RELCH: variants seen among roughly 807,000 people sequenced by gnomAD.
The protein encoded by RELCH is RAB11-binding protein RELCH.
In RELCH, 41 loss-of-function variants were observed where a neutral mutation model predicts 150.3. The ratio of observed to expected loss-of-function variants is 0.27; its 90% CI spans 0.21 to 0.35. The LOEUF (loss-of-function observed/expected upper bound fraction) is 0.35. Among genes scored for constraint, RELCH ranks in the 10% least tolerant of loss-of-function variants. The probability of loss-of-function intolerance (pLI) is 1.00; values close to 1 mark genes in which losing one functional copy is unlikely to be tolerated. For missense variants in RELCH, 1,092 were observed against 1,467.8 expected (o/e 0.74, Z 4.18); for synonymous variants, 478 against 531.8 (o/e 0.90, Z 1.39).
At chr18:62,236,247 C>G (rs2041873833) in intron 10 of RELCH, among the ~76,000 whole-genome samples, 3 of 151,900 alleles carry the variant, frequency 2.0e-5, no homozygotes. Context: ...TGTCATATGC[C>G]TGCATTATTT....
chr18:62,218,249 A>C (rs1447513442), intron 2 of RELCH, among the ~76,000 whole-genome samples: 1 of 151,946 alleles, frequency 6.6e-6, no homozygotes, highest in African/African-American at 2.4e-5. Flanking sequence ...ACAATTTTAC[A>C]TAGCAAAATA....
At chr18:62,294,798 T>C (rs1250961795) in intron 27 of RELCH, among the ~76,000 whole-genome samples, 1 of 152,350 alleles carries the variant, frequency 6.6e-6, no homozygotes, top group East Asian at 1.9e-4. Flanking sequence ...TTATGTATGA[T>C]GTGAGCTAGC....
In RELCH at chr18:62,310,238, T is replaced by G. The variant is rs2045968441; in HGVS notation, c.*4704T>G. The G allele has an allele frequency of 6.6e-6, 1 of 152,244 alleles. No homozygotes were observed. The highest frequency in any genetic ancestry group is 1.5e-5 in the Non-Finnish European group (1 of 68,044). 9.4% of individuals were successfully genotyped at this position (152,244 alleles called of 1,614,324 possible). A position where few individuals can be genotyped will look rare whatever the true frequency, so the allele number is the denominator to read the frequency against. On this transcript the variant is annotated 3_prime_UTR_variant, in exon 29 of 29. Coordinates refer to ENST00000644646, the MANE Select transcript of RELCH (RefSeq NM_001346231.2). ...TAATGAAACTTAAAGGTGAATACTT[T>G]CATAATGTAAATTGTTTTCTAATTT...
chr18:62,232,365 A>G lies in RELCH; in HGVS notation c.1558A>G (p.Met520Val). ...TATTGCAGACAGTGAAAAAAGCGTTATGTTAATGCTGGGACGCTGCCTGCC... is the reference window on the plus strand; with the variant it reads ...TATTGCAGACAGTGAAAAAAGCGTTGTGTTAATGCTGGGACGCTGCCTGCC... ...SRIADSEKSV[M>V]LMLGRCLPHI... is the part of the protein sequence containing the mutation. Residue 520 changes from methionine to valine, a missense_variant, in exon 10 of 29, where the codon ATG becomes GTG. By Grantham distance (21) the Met-to-Val change is conservative (BLOSUM62 1). Coordinates refer to ENST00000644646, the MANE Select transcript of RELCH (RefSeq NM_001346231.2). 2 of 1,611,856 alleles carry G rather than the reference A, an allele frequency of 1.2e-6. No homozygotes were observed. The highest frequency in any genetic ancestry group is 8.5e-7 in the Non-Finnish European group (1 of 1,178,580).
chr18:62,206,452 A>G (rs1435655453), intron 1 of RELCH, among the ~76,000 whole-genome samples: 2 of 152,242 alleles, frequency 1.3e-5, no homozygotes, highest in African/African-American at 2.4e-5. Flanking sequence ...AGAGTCAACC[A>G]TCTTGATTAT....
At chr18:62,261,360 C>T (rs1175666584) in intron 15 of RELCH, 151 bp from the exon 16 acceptor site, 3 of 494,514 alleles carry the variant, frequency 6.1e-6, no homozygotes, top group Non-Finnish European at 1.1e-5. Flanking sequence ...AAAGATTCTA[C>T]CACTCTAGAG....
In RELCH at chr18:62,309,427, T is replaced by A. The variant is rs985972839; in HGVS notation, c.*3893T>A. 10 of 152,304 alleles carry A rather than the reference T, an allele frequency of 6.6e-5. No individual in the cohort carries two copies. Among genetic ancestry groups the A allele is most frequent in the African/African-American group, 2.4e-4 (10 of 41,572 alleles). The allele number at this position is 152,304 out of a possible 1,614,324, so 9.4% of individuals were successfully genotyped here. On this transcript the variant is annotated 3_prime_UTR_variant, in exon 29 of 29. Transcript: ENST00000644646. Reference sequence around the variant, plus strand: ...GTGGCACATCTCATCATTCATATTTTCTCTTCAGAACCAAGTACAGGAAAC... The same window carrying A: ...GTGGCACATCTCATCATTCATATTTACTCTTCAGAACCAAGTACAGGAAAC...
rs1481095331 is a variant in RELCH at position 62,271,556 on chromosome 18, T to C, written c.2761-2424T>C. Among the ~76,000 whole-genome samples, 5 of 152,198 alleles carry C rather than the reference T, an allele frequency of 3.3e-5. No individual in the cohort carries two copies. In the East Asian group the frequency reaches 9.6e-4, roughly 29 times the overall value. ...GTAGGTTGCCTGTTCACTCTGATGG[T>C]AGTTTCTTTTGCTGTGCAGAAGCTT... On this transcript the variant is annotated intron_variant, in intron 20 of 28. Transcript: ENST00000644646.
intron 5 of RELCH, among the ~76,000 whole-genome samples, chr18:62,225,023 A>G (rs1342517388): frequency 6.6e-6 from 1 of 152,112 alleles, no homozygotes; most frequent in East Asian, 1.9e-4. Flanking sequence ...AAATAAATTG[A>G]TGAAACAGAA....
rs2044465387 is a variant in RELCH, at chr18:62,280,654, G to A, written c.3059G>A (p.Arg1020Lys). The A allele has an allele frequency of 6.2e-7, 1 of 1,610,502 alleles. No homozygotes were observed. The highest frequency in any genetic ancestry group is 8.5e-7 in the Non-Finnish European group (1 of 1,177,016). Residue 1020 changes from arginine (R) to lysine (K), a missense_variant, in exon 24 of 29, where the codon AGG (arginine) becomes AAG (lysine). Arg to Lys is a conservative substitution (Grantham distance 26). This residue lies in a region of RELCH where 707 missense variants were observed against 1,025.4 expected (regional missense o/e 0.69). Coordinates refer to ENST00000644646, the MANE Select transcript of RELCH (RefSeq NM_001346231.2). ...TLSSDPEISVRIATIPAFGTI... is the reference protein window; with the variant it reads ...TLSSDPEISVKIATIPAFGTI... ...TGTTTTAATTCTAACAGCTCTGTCA[G>A]GATTGCCACAATTCCAGCCTTTGGC...
chr18:62,305,534 G>A lies in RELCH; in HGVS notation c.3651G>A (p.Ter1217=). 6.2e-7 allele frequency: 1 copy of A among 1,604,606 alleles called. No individual in the cohort carries two copies. Among genetic ancestry groups the A allele is most frequent in the South Asian group, 1.1e-5 (1 of 89,128 alleles). Residue 1217 remains the stop codon, a stop_retained_variant, in exon 29 of 29, where the codon TAG becomes TAA. Coordinates refer to ENST00000644646, the MANE Select transcript of RELCH (RefSeq NM_001346231.2). This position sits in a 1 kb window ranked among gnomAD's most constrained non-coding sequence, Gnocchi z 4.0. Reference sequence around the variant, plus strand: ...CCAATGTATTTCAGAGAAAGAAGTAGAAGCAGGAAAGAAGCCCCCAGTAAA... The same window carrying A: ...CCAATGTATTTCAGAGAAAGAAGTAAAAGCAGGAAAGAAGCCCCCAGTAAA... ...MLANVFQRKK[*] is the part of the protein sequence containing the mutation.
At chr18:62,271,902 G>A (rs970322291) in intron 20 of RELCH, among the ~76,000 whole-genome samples, 16 of 152,110 alleles carry the variant, frequency 1.1e-4, no homozygotes, top group African/African-American at 3.4e-4. Context: ...GGTTGTAGAT[G>A]TGTGGTGTTA....
At chr18:62,230,902 T>C (rs1351442776) in intron 8 of RELCH, among the ~76,000 whole-genome samples, 1 of 152,096 alleles carries the variant, frequency 6.6e-6, no homozygotes, top group African/African-American at 2.4e-5. Flanking sequence ...TCTATAGGCA[T>C]TGATCTACTA....
chr18:62,191,273 C>A (rs867152692), intron 1 of RELCH, among the ~76,000 whole-genome samples: 1 of 152,152 alleles, frequency 6.6e-6, no homozygotes, highest in African/African-American at 2.4e-5. Context: ...TATTTTTGGG[C>A]TTTTTAATCT....
chr18:62,200,964 C>CTTT (rs543882947), intron 1 of RELCH, among the ~76,000 whole-genome samples: 3 of 55,000 alleles, frequency 5.5e-5, no homozygotes, highest in Non-Finnish European at 9.4e-5. Flanking sequence ...TTTTTCTTTG[C>CTTT]TTTTTTTTTT....
chr18:62,252,539 G>GTC, intron 11 of RELCH, 125 bp from the exon 12 acceptor site: 2 of 688,164 alleles, frequency 2.9e-6, no homozygotes, highest in Non-Finnish European at 5.0e-6. Flanking sequence ...TAAATAAAAA[G>GTC]TCTAATTTGA....
At chr18:62,291,432 A>G (rs906994752) in intron 26 of RELCH, 111 bp from the exon 27 acceptor site, 1 of 555,832 alleles carries the variant, frequency 1.8e-6, no homozygotes, top group East Asian at 3.3e-5. Context: ...AGTGATCACT[A>G]TGCCATAGGT....
chr18:62,266,659 T>C (rs1335109458), intron 18 of RELCH, 42 bp from the exon 19 acceptor site: 4 of 1,377,424 alleles, frequency 2.9e-6, no homozygotes, highest in Middle Eastern at 1.8e-4. Flanking sequence ...AATTTGCCCA[T>C]TGAACCTGAG....
Position 62,241,100 on chromosome 18 carries a change from C to T in RELCH, c.1621-3664C>T, listed in dbSNP as rs1317826263. Among the ~76,000 whole-genome samples the T allele has an allele frequency of 2.0e-5, 3 of 152,280 alleles. No individual in the cohort carries two copies. The South Asian group carries it at 6.2e-4, about 32-fold the overall frequency. On this transcript the variant is annotated intron_variant, in intron 10 of 28. Coordinates refer to ENST00000644646, the MANE Select transcript of RELCH (RefSeq NM_001346231.2). ...TACTGCAACCTTAGCTTTATCAGTA[C>T]TGCACAAAGCCCTCTTCAGCACACA...
Sources: allele counts gnomAD v4.1 joint callset (sites outside exome capture counted in the v4.1 genomes callset), GRCh38; gene constraint gnomAD v4.1.1; regional missense constraint gnomAD v4.1.1; non-coding constraint Gnocchi (gnomAD v3.1); transcripts MANE v1.5; gene names NCBI Gene and HGNC (gene_info 2026-07-23, HGNC 2026-07-21).